Variants in MYCBPAP observed in about 807,000 individuals in gnomAD.
MYCBPAP encodes the protein MYCBP-associated protein.
MYCBPAP carries 60 observed loss-of-function variants against 106.1 expected under a neutral mutation model. The observed-to-expected ratio is 0.57, with a 90% CI of 0.46 to 0.70. The LOEUF (loss-of-function observed/expected upper bound fraction) is 0.70, where lower values mean the gene tolerates loss of function less well. MYCBPAP is among the 30% of genes least tolerant of loss of function. MYCBPAP has a pLI of 0.00. For missense variants in MYCBPAP, 1,064 were observed against 1,169.3 expected (o/e 0.91, Z 1.31); for synonymous variants, 407 against 440.6 (o/e 0.92, Z 0.95).
Position 50,530,594 on chromosome 17 carries a change from G to A in MYCBPAP, c.2725-733G>A, listed in dbSNP as rs779010966. 2.0e-5 allele frequency among the ~76,000 whole-genome samples: 3 copies of A among 151,180 alleles called. No homozygotes were observed. The South Asian group carries it at 6.3e-4, about 32-fold the overall frequency. ...GTGGATTGCTTGAGCCCAGGAGTTC[G>A]ACATCAGCCTAGACAACACAGGGAG... On this transcript the variant is annotated intron_variant, in intron 18 of 18. Transcript: ENST00000323776.
chr17:50,526,869 C>G lies in MYCBPAP; in HGVS notation c.2170-418C>G, dbSNP rs144637235. On this transcript the variant is annotated intron_variant, in intron 14 of 18. Transcript: ENST00000323776. ...GTGCTGGTGTTACAGGCGTGAGCCA[C>G]CACGCCAGGCCAATTTTGTATTTTT... is the stretch of plus-strand genomic sequence containing the variant. Among the ~76,000 whole-genome samples the G allele has an allele frequency of 5.2e-3, 795 of 152,352 alleles. 10 individuals are homozygous for G. The highest frequency in any genetic ancestry group is 0.018 in the African/African-American group (740 of 41,588).
At chr17:50,507,889 G>C (rs114342179), upstream of MYCBPAP, among the ~76,000 whole-genome samples, 1,319 of 152,256 alleles carry the variant, frequency 8.7e-3, 21 homozygotes, top group African/African-American at 0.031. Flanking sequence ...GGCTCCAGGG[G>C]AAGGCGAAAA....
chr17:50,517,938 G>A (rs767660879), intron 4 of MYCBPAP, among the ~76,000 whole-genome samples: 8 of 152,216 alleles, frequency 5.3e-5, no homozygotes, highest in Non-Finnish European at 1.0e-4. Context: ...ACCCAAAGGC[G>A]GGAGTACCTG....
chr17:50,519,896 T>C, intron 7 of MYCBPAP, 109 bp downstream of exon 7: 2 of 1,179,176 alleles, frequency 1.7e-6, no homozygotes, highest in African/African-American at 1.6e-5. Flanking sequence ...AGGGCCTGTT[T>C]CTCTGTGGTT....
Position 50,525,058 on chromosome 17 carries a change from G to T in MYCBPAP, c.1782+35G>T, listed in dbSNP as rs1261629227. 3 of 1,588,434 alleles carry T rather than the reference G, an allele frequency of 1.9e-6. No homozygotes were observed. In the Admixed American group the frequency reaches 5.2e-5, roughly 27 times the overall value. On this transcript the variant is annotated intron_variant, in intron 13 of 18. Coordinates refer to ENST00000323776, the MANE Select transcript of MYCBPAP (RefSeq NM_032133.6). ...AGCGCCAGCCCCTGCCCCCTCATGTGTGCCCTGCGTCAAGGGTCCCCAACC... is the reference window on the plus strand; with the variant it reads ...AGCGCCAGCCCCTGCCCCCTCATGTTTGCCCTGCGTCAAGGGTCCCCAACC...
chr17:50,521,519 C>T lies in MYCBPAP; in HGVS notation c.1148+88C>T, dbSNP rs1284518571. 3 of 999,636 alleles carry T rather than the reference C, an allele frequency of 3.0e-6. No individual in the cohort carries two copies. In the East Asian group the frequency reaches 7.8e-5, roughly 26 times the overall value. 61.9% of individuals were successfully genotyped at this position (999,636 alleles called of 1,614,324 possible). A position where few individuals can be genotyped will look rare whatever the true frequency, so the allele number is the denominator to read the frequency against. ...AAGAGCGGGCTTCCCTCCCTGAGAT[C>T]AGGGTGCCTCTAGCCTAGCTTCTGT... On this transcript the variant is annotated intron_variant, in intron 9 of 18. Transcript: ENST00000323776.
chr17:50,526,566 T>G (rs1010250766), intron 14 of MYCBPAP, among the ~76,000 whole-genome samples: 3 of 150,234 alleles, frequency 2.0e-5, no homozygotes, highest in Non-Finnish European at 4.4e-5. Context: ...CTGAGATTAC[T>G]GGCATGTGCC....
At chr17:50,515,568 A>T (rs764133241) in intron 1 of MYCBPAP, among the ~76,000 whole-genome samples, 2 of 152,152 alleles carry the variant, frequency 1.3e-5, no homozygotes, top group Non-Finnish European at 2.9e-5. Flanking sequence ...GTCCCAAACC[A>T]CTGTGCATCA....
chr17:50,518,339 G>T (rs754242730), intron 4 of MYCBPAP, among the ~76,000 whole-genome samples: 3 of 152,250 alleles, frequency 2.0e-5, no homozygotes, highest in Non-Finnish European at 2.9e-5. Context: ...TTCCCTTTGT[G>T]GGGGAGAGTG....
chr17:50,529,078 A>G lies in MYCBPAP; in HGVS notation c.2614A>G (p.Ser872Gly). 6.2e-7 allele frequency: 1 copy of G among 1,614,178 alleles called. No individual in the cohort carries two copies. The stretch of plus-strand genomic sequence containing the variant: ...TGACAAGAAAGTCATAAAATCTGCA[A>G]GTCAGGACAGGTTTTCTTTGGAAGA... ...KDDKKVIKSA[S>G]QDRFSLEDPT... is the part of the protein sequence containing the mutation. The change falls in exon 18 of 19, where the codon AGT (serine) becomes GGT (glycine). Residue 872 changes from serine (S) to glycine (G), a missense_variant. By Grantham distance (56) the Ser-to-Gly change is moderately conservative. Coordinates refer to ENST00000323776, the MANE Select transcript of MYCBPAP (RefSeq NM_032133.6).
chr17:50,507,953 G>A (rs2143865390), upstream of MYCBPAP, among the ~76,000 whole-genome samples: 1 of 152,362 alleles, frequency 6.6e-6, no homozygotes, highest in East Asian at 1.9e-4. Flanking sequence ...TCCAAGGACT[G>A]TGAGAATGCC....
chr17:50,522,709 A>AAAAAATATATATATATATATATATATAT, intron 10 of MYCBPAP: 3 of 50,040 alleles, frequency 6.0e-5, no homozygotes, highest in South Asian at 7.9e-4. Context: ...AAAAAAAAAA[A>AAAAAATATATATATATATATATATATAT]ATATATATAT....
chr17:50,524,750 G>GAGAGAA, intron 12 of MYCBPAP, 127 bp from the exon 13 acceptor site: 2 of 872,248 alleles, frequency 2.3e-6, no homozygotes, highest in Non-Finnish European at 3.6e-6. Flanking sequence ...GAGAGAGAGA[G>GAGAGAA]AGAGAGAGAC....
intron 1 of MYCBPAP, chr17:50,509,094 G>A (rs1331286162): frequency 1.4e-6 from 1 of 702,858 alleles, no homozygotes; most frequent in Non-Finnish European, 2.6e-6. Context: ...AGAAGAGCCA[G>A]GAAAGAGTTT....
At chr17:50,522,819 G>T in intron 10 of MYCBPAP, 120 bp from the exon 11 acceptor site, 1 of 930,734 alleles carries the variant, frequency 1.1e-6, no homozygotes, top group Non-Finnish European at 1.6e-6. Context: ...CCAAGCCCTG[G>T]AGGCCTGGGA....
chr17:50,523,460 C>T (rs1295029077), intron 11 of MYCBPAP, 137 bp from the exon 12 acceptor site: 1 of 856,298 alleles, frequency 1.2e-6, no homozygotes, highest in African/African-American at 1.7e-5. Flanking sequence ...TTCCAGGAAA[C>T]CTCTCAGCCC....
chr17:50,521,487 A>G (rs1485113408), intron 9 of MYCBPAP, 56 bp downstream of exon 9: 2 of 1,309,368 alleles, frequency 1.5e-6, no homozygotes, highest in East Asian at 2.5e-5. Flanking sequence ...AGCACCTACC[A>G]GTATTAAAGA....
Position 50,521,116 on chromosome 17 carries a change from C to T in MYCBPAP, c.923C>T (p.Pro308Leu). 1.9e-6 allele frequency: 3 copies of T among 1,611,876 alleles called. No individual in the cohort carries two copies. The highest frequency in any genetic ancestry group is 2.5e-6 in the Non-Finnish European group (3 of 1,179,252). The stretch of plus-strand genomic sequence containing the variant: ...TCCTTGGACCTCATGCTAGGATTAC[C>T]AGCCCAGAGGGACGCTTCATACCGC... ...PHSIRVETGL[P>L]AQRDASYRYT... The change falls in exon 8 of 19, where the codon CCA becomes CTA. Residue 308 changes from proline (P) to leucine (L), a missense_variant. Transcript: ENST00000323776.
intron 2 of MYCBPAP, 57 bp from the exon 3 acceptor site, chr17:50,517,236 G>A (rs1458625153): frequency 2.6e-6 from 4 of 1,509,558 alleles, no homozygotes; most frequent in Admixed American, 3.3e-5. Context: ...AGAGATGGGT[G>A]GTGCTCTTCC....
Sources: gnomAD v4.1 joint callset for allele counts (sites outside exome capture counted in the v4.1 genomes callset) on GRCh38, gnomAD v4.1.1 for gene constraint, MANE v1.5 for transcripts, NCBI Gene and HGNC (gene_info 2026-07-23, HGNC 2026-07-21) for gene names.